The following XPO7 variants were observed in gnomAD, a reference collection of about 807,000 sequenced individuals.
XPO7 encodes the protein exportin-7.
XPO7 carries 21 observed loss-of-function variants against 144.3 expected under a neutral mutation model. The observed-to-expected ratio is 0.15, with a 90% CI of 0.10 to 0.21. The LOEUF is 0.21. Among genes scored for constraint, XPO7 ranks in the 10% least tolerant of loss-of-function variants. The pLI is 1.00. For synonymous variants in XPO7, 580 were observed against 499.6 expected (o/e 1.16, Z -2.15); for missense variants, 808 against 1,325.8 (o/e 0.61, Z 6.06).
intron 1 of XPO7, among the ~76,000 whole-genome samples, chr8:21,935,825 G>T (rs1028894678): frequency 1.3e-5 from 2 of 151,528 alleles, no homozygotes; most frequent in African/African-American, 4.9e-5. Context: ...GGTGGTATGG[G>T]CAAGATATCT....
intron 21 of XPO7, among the ~76,000 whole-genome samples, chr8:21,997,518 C>A (rs901266083): frequency 3.3e-5 from 5 of 152,148 alleles, no homozygotes; most frequent in African/African-American, 1.2e-4. Flanking sequence ...CTGCACGAGT[C>A]CTGAGATAGG....
At chr8:21,984,580 T>C (rs1210020472) in intron 11 of XPO7, 66 bp from the exon 12 acceptor site, 23 of 1,415,612 alleles carry the variant, frequency 1.6e-5, no homozygotes, top group Non-Finnish European at 2.2e-5. Flanking sequence ...GTCAGAGAGC[T>C]GCTATATTGG....
chr8:21,943,389 T>G (rs1563314934), intron 1 of XPO7, among the ~76,000 whole-genome samples: 1 of 152,220 alleles, frequency 6.6e-6, no homozygotes, highest in East Asian at 1.9e-4. Flanking sequence ...CTATGGTGAT[T>G]GACAGCATGT....
chr8:21,960,803 G>A (rs1435767816), intron 1 of XPO7, among the ~76,000 whole-genome samples: 1 of 152,180 alleles, frequency 6.6e-6, no homozygotes, highest in Non-Finnish European at 1.5e-5. Context: ...AAAGCATTTA[G>A]CGTTGTAAAA....
chr8:21,944,864 C>T (rs1811124038), intron 1 of XPO7, among the ~76,000 whole-genome samples: 1 of 152,136 alleles, frequency 6.6e-6, no homozygotes, highest in Admixed American at 6.6e-5. Context: ...TCTTGCACCG[C>T]CCTTAATCCA....
At chr8:21,976,021 C>T (rs1032904393) in intron 6 of XPO7, among the ~76,000 whole-genome samples, 2 of 152,198 alleles carry the variant, frequency 1.3e-5, no homozygotes, top group African/African-American at 4.8e-5. Flanking sequence ...TAAGATCTCA[C>T]ATGCCAATAA....
chr8:21,919,732 G>C lies in XPO7; in HGVS notation c.-39G>C, dbSNP rs756534634. On this transcript the variant is annotated 5_prime_UTR_variant, in exon 1 of 28. Transcript: ENST00000252512. ...CGGCTCCGGCCGAGGTGCGCGCTGG[G>C]GGGGAGGGGGGGCCGGAGAGGAGCA... is the stretch of plus-strand genomic sequence containing the variant. The C allele has an allele frequency of 1.6e-4, 64 of 390,948 alleles. No individual in the cohort carries two copies. The highest frequency in any genetic ancestry group is 3.5e-4 in the African/African-American group (16 of 45,896). 24.2% of individuals were successfully genotyped at this position (390,948 alleles called of 1,614,324 possible). A position where few individuals can be genotyped will look rare whatever the true frequency, so the allele number is the denominator to read the frequency against.
At chr8:21,973,307 A>G (rs1438404113) in intron 5 of XPO7, among the ~76,000 whole-genome samples, 1 of 152,248 alleles carries the variant, frequency 6.6e-6, no homozygotes, top group African/African-American at 2.4e-5. Flanking sequence ...ATATATGTAT[A>G]ATAAAAAACT....
At chr8:21,961,851 C>T (rs1038495419) in intron 1 of XPO7, among the ~76,000 whole-genome samples, 2 of 145,728 alleles carry the variant, frequency 1.4e-5, no homozygotes, top group African/African-American at 2.7e-5. Flanking sequence ...TTAGTAGAGA[C>T]GGGGTTTCAT....
chr8:21,968,441 A>G (rs566865093), intron 2 of XPO7, among the ~76,000 whole-genome samples: 40 of 152,334 alleles, frequency 2.6e-4, no homozygotes, highest in Middle Eastern at 3.4e-3. Flanking sequence ...GTCATGGTCA[A>G]AGACTGTGTG....
intron 1 of XPO7, among the ~76,000 whole-genome samples, chr8:21,931,591 T>C (rs1426285284): frequency 1.3e-5 from 2 of 152,202 alleles, no homozygotes; most frequent in South Asian, 2.1e-4. Context: ...AGCAATGAAA[T>C]AGGCATGCAT....
intron 24 of XPO7, among the ~76,000 whole-genome samples, chr8:22,000,257 A>C (rs1813093835): frequency 6.6e-6 from 1 of 152,154 alleles, no homozygotes; most frequent in Non-Finnish European, 1.5e-5. Flanking sequence ...GAATGAAATG[A>C]AGCTTTAGAG....
chr8:21,989,145 C>A, intron 16 of XPO7, 62 bp downstream of exon 16: 2 of 1,434,982 alleles, frequency 1.4e-6, no homozygotes, highest in Non-Finnish European at 1.9e-6. Flanking sequence ...GTCTTAGAAT[C>A]ATGGCCTCCT....
Position 22,005,248 on chromosome 8 carries a change from G to T in XPO7, c.*160G>T, listed in dbSNP as rs907416930. 3.0e-5 allele frequency: 15 copies of T among 504,668 alleles called. No individual in the cohort carries two copies. The Admixed American group carries it at 4.6e-4, about 16-fold the overall frequency. The allele number at this position is 504,668 out of a possible 1,614,324, so 31.3% of individuals were successfully genotyped here. A position where few individuals can be genotyped will look rare whatever the true frequency, so the allele number is the denominator to read the frequency against. ...CTAGCTGCTTCCCCAGGGAATAGGG[G>T]TGTGAGTACACTCACTAGGGGGCAG... On this transcript the variant is annotated 3_prime_UTR_variant, in exon 28 of 28. Transcript: ENST00000252512.
At chr8:21,952,291 T>A (rs1401098756) in intron 1 of XPO7, among the ~76,000 whole-genome samples, 1 of 152,194 alleles carries the variant, frequency 6.6e-6, no homozygotes, top group Non-Finnish European at 1.5e-5. Context: ...ACCCTGTTCT[T>A]CAGGTGAATG....
intron 1 of XPO7, chr8:21,966,389 G>A: frequency 1.3e-6 from 1 of 750,898 alleles, no homozygotes; most frequent in Non-Finnish European, 2.5e-6. Flanking sequence ...ATACATTATT[G>A]TAAGCTAATA....
At chr8:21,996,037 G>A (rs1018672277) in intron 21 of XPO7, among the ~76,000 whole-genome samples, 1 of 152,164 alleles carries the variant, frequency 6.6e-6, no homozygotes, top group Non-Finnish European at 1.5e-5. Flanking sequence ...GGATGGTCTC[G>A]ATCTCCTGAC....
rs954169957 is a variant in XPO7 at position 21,970,148 on chromosome 8, C to T, written c.264C>T (p.Asn88=). ...LPLEQRIDIR[N]YVLNYLATRP... is the part of the protein sequence containing the mutation. ...TTTCTTGTTTTTTTTTAATAGGGAA[C>T]TATGTGCTCAACTACCTTGCCACTC... The change falls in exon 4 of 28, where the codon AAC becomes AAT. Residue 88 remains asparagine (N), a synonymous_variant. Coordinates refer to ENST00000252512, the MANE Select transcript of XPO7 (RefSeq NM_015024.5). The T allele has an allele frequency of 1.2e-6, 2 of 1,610,840 alleles. No homozygotes were observed. The highest frequency in any genetic ancestry group is 1.3e-5 in the African/African-American group (1 of 74,724).
At chr8:21,930,661 A>G (rs1430916139) in intron 1 of XPO7, among the ~76,000 whole-genome samples, 1 of 152,246 alleles carries the variant, frequency 6.6e-6, no homozygotes, top group Non-Finnish European at 1.5e-5. Context: ...GGAAGAGACC[A>G]GGACATGAAG....
Sources: gnomAD v4.1 joint callset for allele counts (sites outside exome capture counted in the v4.1 genomes callset) on GRCh38, gnomAD v4.1.1 for gene constraint, MANE v1.5 for transcripts, NCBI Gene and HGNC (gene_info 2026-07-23, HGNC 2026-07-21) for gene names.